PDE4B: variants seen among roughly 807,000 people sequenced by gnomAD.
The protein encoded by PDE4B is 3',5'-cyclic-AMP phosphodiesterase 4B.
A neutral mutation model predicts 82.2 loss-of-function variants in PDE4B; 20 were observed. The ratio of observed to expected loss-of-function variants is 0.24; its 90% CI spans 0.17 to 0.35. The LOEUF is 0.35. Ranked by LOEUF, PDE4B falls within the 10% of genes least tolerant of loss-of-function variation. The pLI is 1.00. For missense variants in PDE4B, 655 were observed against 907.2 expected (o/e 0.72, Z 3.57); for synonymous variants, 320 against 318.9 (o/e 1.00, Z -0.04).
intron 3 of PDE4B, among the ~76,000 whole-genome samples, chr1:66,190,797 ATGCCTCACCCT>A (rs1647726717): frequency 6.6e-6 from 1 of 151,954 alleles, no homozygotes; most frequent in African/African-American, 2.4e-5. Context: ...GGGTGAGGCG[ATGCCTCACCCT>A]GCTTTGGCTC....
At chr1:66,055,803 ACT>A (rs1417048537) in intron 3 of PDE4B, among the ~76,000 whole-genome samples, 7 of 152,288 alleles carry the variant, frequency 4.6e-5, no homozygotes, top group South Asian at 4.1e-4. Context: ...AATATAGCAC[ACT>A]CTGAAAAAAT....
At chr1:66,287,213 A>G (rs576271672) in intron 7 of PDE4B, among the ~76,000 whole-genome samples, 1 of 152,282 alleles carries the variant, frequency 6.6e-6, no homozygotes, top group South Asian at 2.1e-4. Context: ...TGGCGAGTGG[A>G]GCCTCCATCT....
At chr1:65,905,082 C>T (rs1324327584) in intron 1 of PDE4B, among the ~76,000 whole-genome samples, 1 of 152,136 alleles carries the variant, frequency 6.6e-6, no homozygotes, top group African/African-American at 2.4e-5. Context: ...AAACATTTTC[C>T]AGCAAATATT....
chr1:66,192,562 T>C (rs1195739665), intron 3 of PDE4B, among the ~76,000 whole-genome samples: 3 of 152,182 alleles, frequency 2.0e-5, no homozygotes, highest in Admixed American at 6.6e-5. Context: ...CCTTCATATT[T>C]ATACCCATTA....
At chr1:65,995,208 C>T (rs536340819) in intron 3 of PDE4B, among the ~76,000 whole-genome samples, 1 of 152,122 alleles carries the variant, frequency 6.6e-6, no homozygotes, top group Non-Finnish European at 1.5e-5. Context: ...ACACATTCCC[C>T]TTCTGATGTT....
intron 3 of PDE4B, among the ~76,000 whole-genome samples, chr1:66,209,988 G>T (rs935288411): frequency 6.6e-6 from 1 of 151,988 alleles, no homozygotes. Context: ...ATGAGCGTTC[G>T]TATCCCAGTT....
chr1:65,937,687 G>T (rs1440248229), intron 3 of PDE4B, among the ~76,000 whole-genome samples: 2 of 152,164 alleles, frequency 1.3e-5, no homozygotes, highest in South Asian at 2.1e-4. Flanking sequence ...TCTCTTCTGT[G>T]ATTGCCGTCT....
chr1:66,110,060 A>G (rs549748561), intron 3 of PDE4B, among the ~76,000 whole-genome samples: 6 of 152,066 alleles, frequency 3.9e-5, no homozygotes, highest in South Asian at 4.2e-4. Context: ...TAAATTTCCA[A>G]CACTGCAGTG....
chr1:66,283,077 G>A (rs988836195), intron 7 of PDE4B, among the ~76,000 whole-genome samples: 1 of 152,168 alleles, frequency 6.6e-6, no homozygotes, highest in East Asian at 1.9e-4. Flanking sequence ...AAATAAAAAG[G>A]AAGGGGACAT....
intron 3 of PDE4B, among the ~76,000 whole-genome samples, chr1:66,204,750 C>A (rs1181384577): frequency 6.6e-6 from 1 of 152,172 alleles, no homozygotes; most frequent in African/African-American, 2.4e-5. Context: ...ATCTGTCAAC[C>A]TTTTCTTTGA....
chr1:65,804,621 T>A (rs945271908), intron 1 of PDE4B, among the ~76,000 whole-genome samples: 31 of 151,940 alleles, frequency 2.0e-4, no homozygotes, highest in African/African-American at 7.5e-4. Flanking sequence ...AGGGGAGAAA[T>A]GAAGAGGGGA....
At chr1:65,916,658 A>C (rs1425356169) in intron 2 of PDE4B, among the ~76,000 whole-genome samples, 1 of 152,088 alleles carries the variant, frequency 6.6e-6, no homozygotes, top group Non-Finnish European at 1.5e-5. Flanking sequence ...GATTTTATAT[A>C]TTTTGTCTCC....
At chr1:66,053,159 GCCTTAATAATATTTTATA>G (rs1431662370) in intron 3 of PDE4B, among the ~76,000 whole-genome samples, 1 of 152,082 alleles carries the variant, frequency 6.6e-6, no homozygotes, top group Non-Finnish European at 1.5e-5. Flanking sequence ...TTCCTGAAAT[GCCTTAATAATATTTTATA>G]ACTCATTAGC....
At chr1:65,968,939 A>G (rs986255375) in intron 3 of PDE4B, among the ~76,000 whole-genome samples, 11 of 152,188 alleles carry the variant, frequency 7.2e-5, no homozygotes, top group African/African-American at 2.7e-4. Flanking sequence ...GGAGATAATT[A>G]TATTAAAATA....
At chr1:66,347,086 T>G (rs992805369) in intron 8 of PDE4B, among the ~76,000 whole-genome samples, 4 of 152,164 alleles carry the variant, frequency 2.6e-5, no homozygotes, top group Admixed American at 2.6e-4. Flanking sequence ...TGTTATGACG[T>G]TGGGTTAGCT....
chr1:66,050,896 A>T (rs1654988978), intron 3 of PDE4B, among the ~76,000 whole-genome samples: 1 of 152,120 alleles, frequency 6.6e-6, no homozygotes, highest in Non-Finnish European at 1.5e-5. Context: ...TGGGAGGAAG[A>T]GGTGCCATGA....
At chr1:66,305,242 A>T (rs899928624) in intron 7 of PDE4B, among the ~76,000 whole-genome samples, 1 of 152,198 alleles carries the variant, frequency 6.6e-6, no homozygotes, top group Non-Finnish European at 1.5e-5. Context: ...TCAAAATGCA[A>T]AAACCCAGAG....
intron 3 of PDE4B, among the ~76,000 whole-genome samples, chr1:66,006,642 G>A (rs889188325): frequency 1.3e-5 from 2 of 152,058 alleles, no homozygotes; most frequent in African/African-American, 4.8e-5. Flanking sequence ...ATGTGTCATG[G>A]GAGGGACCTG....
At chr1:65,808,221 G>T (rs1295554670) in intron 1 of PDE4B, among the ~76,000 whole-genome samples, 2 of 150,740 alleles carry the variant, frequency 1.3e-5, no homozygotes, top group Admixed American at 6.6e-5. Flanking sequence ...GCCCAGGCTG[G>T]AGTGAAGTAG....
Sources: allele counts gnomAD v4.1 joint callset (sites outside exome capture counted in the v4.1 genomes callset), GRCh38; gene constraint gnomAD v4.1.1; transcripts MANE v1.5; gene names NCBI Gene and HGNC (gene_info 2026-07-23, HGNC 2026-07-21).